The following SPPL2B variants were observed in gnomAD, a reference collection of about 807,000 sequenced individuals.
SPPL2B encodes signal peptide peptidase-like 2B.
In SPPL2B, 39 loss-of-function variants were observed where a neutral mutation model predicts 59.7. The ratio of observed to expected loss-of-function variants is 0.65; its 90% CI spans 0.51 to 0.85. The LOEUF is 0.85. Among genes scored for constraint, SPPL2B ranks in the 40% least tolerant of loss-of-function variants. The pLI, the probability that SPPL2B is intolerant of heterozygous loss-of-function variation, is 0.00. For missense variants in SPPL2B, 865 were observed against 849.0 expected, an observed-to-expected ratio of 1.02 and a Z score of -0.23; for synonymous variants, 419 against 370.8, an observed-to-expected ratio of 1.13 and a Z score of -1.49.
intron 13 of SPPL2B, among the ~76,000 whole-genome samples, chr19:2,347,855 A>G (rs74330532): frequency 2.5e-4 from 4 of 16,050 alleles, no homozygotes; most frequent in Admixed American, 4.4e-4. Flanking sequence ...CCACACACAC[A>G]CACTCTCATT....
At chr19:2,344,749 G>A (rs958075103) in intron 12 of SPPL2B, 97 bp downstream of exon 12, 23 of 791,186 alleles carry the variant, frequency 2.9e-5, no homozygotes, top group Non-Finnish European at 4.7e-5. Context: ...CACACCGTCG[G>A]CTGGAGATAA....
Position 2,340,132 on chromosome 19 carries a change from C to CT in SPPL2B, c.800dup (p.Ala268GlyfsTer124). The CT allele has an allele frequency of 6.3e-7, 1 of 1,591,098 alleles. No homozygotes were observed. On this transcript the variant is annotated frameshift_variant, in exon 7 of 15. Coordinates refer to ENST00000613503, the MANE Select transcript of SPPL2B (RefSeq NM_152988.3). LOFTEE classifies it high-confidence loss of function. ...CTCCGCCACCGGCCTCTACAGCTGCCTGGCGCCCTGTGTGCGGCGGCTGCC... is the reference window on the plus strand; with the variant it reads ...CTCCGCCACCGGCCTCTACAGCTGCCTTGGCGCCCTGTGTGCGGCGGCTGCC...
At chr19:2,338,914 G>T (rs999157120) in intron 4 of SPPL2B, 73 bp downstream of exon 4, 3 of 1,536,368 alleles carry the variant, frequency 2.0e-6, no homozygotes, top group South Asian at 2.3e-5. Context: ...CTGCCGGGGG[G>T]GTTTGTGCCT....
chr19:2,335,436 C>T (rs1205884011), intron 2 of SPPL2B, among the ~76,000 whole-genome samples: 1 of 143,280 alleles, frequency 7.0e-6, no homozygotes, highest in Non-Finnish European at 1.5e-5. Flanking sequence ...TCCTTTCCCA[C>T]TGCATGCTTC....
intron 2 of SPPL2B, 80 bp from the exon 3 acceptor site, chr19:2,337,363 C>A: frequency 7.3e-7 from 1 of 1,366,638 alleles, no homozygotes; most frequent in Admixed American, 2.1e-5. Flanking sequence ...TCAGCGCAGG[C>A]TTCAGGTGGG....
At chr19:2,348,958 G>C (rs371738061) in intron 13 of SPPL2B, among the ~76,000 whole-genome samples, 752 of 26,456 alleles carry the variant, frequency 0.028, no homozygotes, top group Middle Eastern at 0.12. Context: ...CTCACGCGCT[G>C]TCATTCGCTT....
intron 12 of SPPL2B, 85 bp downstream of exon 12, chr19:2,344,737 C>T (rs559979834): frequency 1.3e-4 from 109 of 831,878 alleles, no homozygotes; most frequent in African/African-American, 1.2e-3. Context: ...GTGAGTGGCC[C>T]GCACACCGTC....
chr19:2,328,837 G>C, intron 1 of SPPL2B, 62 bp downstream of exon 1: 2 of 1,295,888 alleles, frequency 1.5e-6, no homozygotes, highest in Non-Finnish European at 2.0e-6. Context: ...CTCTGTCCCC[G>C]GGCTACGCGC....
In SPPL2B at chr19:2,353,331, C is replaced by T; in HGVS notation, c.*122C>T. 1 of 1,221,336 alleles carries T rather than the reference C, an allele frequency of 8.2e-7. No homozygotes were observed. Among genetic ancestry groups the T allele is most frequent in the Non-Finnish European group, 1.1e-6 (1 of 903,470 alleles). The allele number at this position is 1,221,336 out of a possible 1,614,324, so 75.7% of individuals were successfully genotyped here. On this transcript the variant is annotated 3_prime_UTR_variant, in exon 15 of 15. Transcript: ENST00000613503. ...GGACCGAGGCCTGTGCCGTCCCCAC[C>T]CGCCCCAACATGGTGCTCATCCTTG... is the stretch of plus-strand genomic sequence containing the variant.
rs374297686 is a variant in SPPL2B at position 2,344,321 on chromosome 19, C to T, written c.1114-41C>T. ...ATCACCCCACTCCCCTGCCCCCCCACCCCATCACCACGCTCCCTCACTCAA... is the reference window on the plus strand; with the variant it reads ...ATCACCCCACTCCCCTGCCCCCCCATCCCATCACCACGCTCCCTCACTCAA... On this transcript the variant is annotated intron_variant, in intron 10 of 14. Transcript: ENST00000613503. The T allele has an allele frequency of 1.2e-5, 15 of 1,253,290 alleles. No individual in the cohort carries two copies. In the African/African-American group the frequency reaches 1.7e-4, roughly 14 times the overall value. 77.6% of individuals were successfully genotyped at this position (1,253,290 alleles called of 1,614,324 possible). A position where few individuals can be genotyped will look rare whatever the true frequency, so the allele number is the denominator to read the frequency against.
At chr19:2,342,923 A>C in intron 8 of SPPL2B, 1 of 423,084 alleles carries the variant, frequency 2.4e-6, no homozygotes, top group Non-Finnish European at 4.4e-6. Context: ...GAGGAGACGC[A>C]GCCGGCCAGG....
In SPPL2B at chr19:2,337,538, G is replaced by A. The variant is rs368921628; in HGVS notation, c.282G>A (p.Ala94=). The change falls in exon 3 of 15, where the codon GCG becomes GCA. Residue 94 remains alanine, a synonymous_variant. Coordinates refer to ENST00000613503, the MANE Select transcript of SPPL2B (RefSeq NM_152988.3). ...RGFSNQIPLV[A]RGNCTFYEKV... is the part of the protein sequence containing the mutation. ...TCAGCAACCAGATCCCGCTGGTGGC[G>A]CGGGGGAACTGCACCTTCTATGAGA... 9 of 1,612,808 alleles carry A rather than the reference G, an allele frequency of 5.6e-6. No homozygotes were observed. Among genetic ancestry groups the A allele is most frequent in the African/African-American group, 2.7e-5 (2 of 74,936 alleles).
chr19:2,341,834 C>G lies in SPPL2B; in HGVS notation c.956+820C>G, dbSNP rs188386131. ...CCTCAGTCAGCTGGGCGCAGGGGCT[C>G]ACGCCTGGGATCCCAGCATTTGGTA... On this transcript the variant is annotated intron_variant, in intron 8 of 14. Transcript: ENST00000613503. The G allele has an allele frequency of 9.5e-5, 32 of 337,812 alleles. No individual in the cohort carries two copies. The Admixed American group carries it at 1.3e-3, about 13-fold the overall frequency. The allele number at this position is 337,812 out of a possible 1,614,324, so 20.9% of individuals were successfully genotyped here.
chr19:2,347,387 T>TTC (rs766097075), intron 13 of SPPL2B, among the ~76,000 whole-genome samples: 975 of 7,458 alleles, frequency 0.13, 262 homozygotes, highest in African/African-American at 0.22. Context: ...CCTGATTCCG[T>TTC]TCTCTCTCTC....
At position 2,340,162 on chromosome 19, in the gene SPPL2B, G is replaced by A. The variant is rs782504160; in HGVS notation, c.829G>A (p.Gly277Ser). The A allele has an allele frequency of 1.7e-5, 26 of 1,569,278 alleles. No individual in the cohort carries two copies. Among genetic ancestry groups the A allele is most frequent in the Middle Eastern group, 1.7e-4 (1 of 5,932 alleles). ...LAPCVRRLPF[G>S]KCRIPNNSLP... ...GCCCTGTGTGCGGCGGCTGCCCTTC[G>A]GCAAGTGCAGGTGAGTCTGCCCTGC... The change falls in exon 7 of 15, where the codon GGC becomes AGC. Residue 277 changes from glycine (G) to serine (S), a missense_variant. Gly to Ser is a moderately conservative substitution (Grantham distance 56, BLOSUM62 0). Coordinates refer to ENST00000613503, the MANE Select transcript of SPPL2B (RefSeq NM_152988.3).
In SPPL2B at chr19:2,332,677, G is replaced by C. The variant is rs537155978; in HGVS notation, c.67-1925G>C. Reference sequence around the variant, plus strand: ...CTGAGGGCTGGGTGCTCCTGAGAACGGGCAGGCCTAGGGCATGGGGTGGGT... The same window carrying C: ...CTGAGGGCTGGGTGCTCCTGAGAACCGGCAGGCCTAGGGCATGGGGTGGGT... On this transcript the variant is annotated intron_variant, in intron 1 of 14. Coordinates refer to ENST00000613503, the MANE Select transcript of SPPL2B (RefSeq NM_152988.3). The surrounding 1 kb of genome is among the most constrained non-coding windows in gnomAD (Gnocchi z 4.6). 1.3e-5 allele frequency among the ~76,000 whole-genome samples: 2 copies of C among 152,188 alleles called. No individual in the cohort carries two copies. Among genetic ancestry groups the C allele is most frequent in the African/African-American group, 2.4e-5 (1 of 41,452 alleles).
chr19:2,344,027 C>T lies in SPPL2B; in HGVS notation c.1101C>T (p.Pro367=). The change falls in exon 10 of 15, where the codon CCC becomes CCT. Residue 367 remains proline (P), a synonymous_variant. Coordinates refer to ENST00000613503, the MANE Select transcript of SPPL2B (RefSeq NM_152988.3). ...LYDIFFVFIT[P]FLTKSGSSIM... is the part of the protein sequence containing the mutation. ...ACATCTTCTTCGTGTTCATCACGCC[C>T]TTCCTGACCAAGGTAGGCGACTGCC... The T allele has an allele frequency of 1.3e-6, 2 of 1,547,928 alleles. No individual in the cohort carries two copies. The highest frequency in any genetic ancestry group is 1.7e-6 in the Non-Finnish European group (2 of 1,146,384).
rs775376600 is a variant in SPPL2B, at chr19:2,339,979, G to A, written c.742+13G>A. 5.9e-5 allele frequency: 91 copies of A among 1,552,368 alleles called. No individual in the cohort carries two copies. Among genetic ancestry groups the A allele is most frequent in the Non-Finnish European group, 7.3e-5 (84 of 1,147,200 alleles). On this transcript the variant is annotated intron_variant, in intron 6 of 14. Transcript: ENST00000613503. The stretch of plus-strand genomic sequence containing the variant: ...TACGATCTCCTCGGTGCGCGGCCCC[G>A]GGCGGGTGGGCCGCGGCGTGGAGAT...
chr19:2,334,558 G>C lies in SPPL2B; in HGVS notation c.67-44G>C, dbSNP rs771505615. ...GTTTCTCGTGGGGCGGTGCAGCCCCGCACGTCCCGTGCTGTGGCTCTGACT... is the reference window on the plus strand; with the variant it reads ...GTTTCTCGTGGGGCGGTGCAGCCCCCCACGTCCCGTGCTGTGGCTCTGACT... On this transcript the variant is annotated intron_variant, in intron 1 of 14. Coordinates refer to ENST00000613503, the MANE Select transcript of SPPL2B (RefSeq NM_152988.3). The C allele has an allele frequency of 1.3e-5, 20 of 1,579,388 alleles. No homozygotes were observed. In the African/African-American group the frequency reaches 2.3e-4, roughly 18 times the overall value.
Sources: gnomAD v4.1 joint callset for allele counts (sites outside exome capture counted in the v4.1 genomes callset) on GRCh38, gnomAD v4.1.1 for gene constraint, Gnocchi (gnomAD v3.1) non-coding constraint, MANE v1.5 for transcripts, NCBI Gene and HGNC (gene_info 2026-07-23, HGNC 2026-07-21) for gene names.